Variants in SLCO3A1 observed in about 807,000 individuals in gnomAD.
The protein encoded by SLCO3A1 is PGE1 transporter.
In SLCO3A1, 27 loss-of-function variants were observed where a neutral mutation model predicts 63.1. That is an observed-to-expected ratio of 0.43 (90% confidence interval 0.32 to 0.59). The LOEUF (loss-of-function observed/expected upper bound fraction) is 0.59, where lower values mean the gene tolerates loss of function less well. Among genes scored for constraint, SLCO3A1 ranks in the 20% least tolerant of loss-of-function variants. The pLI, the probability that SLCO3A1 is intolerant of heterozygous loss-of-function variation, is 0.09. For missense variants in SLCO3A1, 773 were observed against 945.8 expected (o/e 0.82, Z 2.40); for synonymous variants, 473 against 409.9 (o/e 1.15, Z -1.86).
chr15:91,985,070 A>T (rs1024647249), intron 2 of SLCO3A1, among the ~76,000 whole-genome samples: 1 of 152,224 alleles, frequency 6.6e-6, no homozygotes, highest in African/African-American at 2.4e-5. Context: ...CACCCAGATC[A>T]AGGGATAGAA....
Position 91,872,383 on chromosome 15 carries a change from A to G in SLCO3A1, c.180+18295A>G, listed in dbSNP as rs28416200. ...CCTTCTCTACTAAAAATACAAAAAA[A>G]TAGCCGGGCATGGTGGCAGTTGCCT... On this transcript the variant is annotated intron_variant, in intron 1 of 9. Transcript: ENST00000318445. The surrounding 1 kb of genome is among the most constrained non-coding windows in gnomAD (Gnocchi z 4.1). Among the ~76,000 whole-genome samples the G allele has an allele frequency of 0.045, 6,780 of 152,020 alleles. 475 individuals carry two copies. Among genetic ancestry groups the G allele is most frequent in the African/African-American group, 0.15 (6,372 of 41,438 alleles).
At chr15:92,114,320 A>G (rs2047765858) in intron 4 of SLCO3A1, among the ~76,000 whole-genome samples, 1 of 152,172 alleles carries the variant, frequency 6.6e-6, no homozygotes, top group African/African-American at 2.4e-5. Flanking sequence ...TCATTCATTC[A>G]TTTTAAAATT....
chr15:92,048,479 C>G (rs1369384937), intron 2 of SLCO3A1, among the ~76,000 whole-genome samples: 1 of 152,138 alleles, frequency 6.6e-6, no homozygotes, highest in Non-Finnish European at 1.5e-5. Context: ...GACATTCAGA[C>G]CAGATCGTTG....
chr15:92,052,794 C>T (rs2046972986), intron 2 of SLCO3A1, among the ~76,000 whole-genome samples: 1 of 151,274 alleles, frequency 6.6e-6, no homozygotes, highest in African/African-American at 2.4e-5. Context: ...GGCATAAGTA[C>T]ATTTTATATT....
intron 2 of SLCO3A1, among the ~76,000 whole-genome samples, chr15:92,059,849 T>C (rs2047065229): frequency 6.6e-6 from 1 of 152,192 alleles, no homozygotes; most frequent in Non-Finnish European, 1.5e-5. Flanking sequence ...AGACACTTTC[T>C]GAGAAATGCG....
intron 3 of SLCO3A1, among the ~76,000 whole-genome samples, chr15:92,102,934 C>T (rs2047624062): frequency 6.6e-6 from 1 of 152,204 alleles, no homozygotes; most frequent in Admixed American, 6.5e-5. Flanking sequence ...TTCTAAGCCT[C>T]AGTTACTCCA....
intron 2 of SLCO3A1, among the ~76,000 whole-genome samples, chr15:91,966,560 C>T (rs1900669094): frequency 6.6e-6 from 1 of 152,148 alleles, no homozygotes; most frequent in Non-Finnish European, 1.5e-5. Flanking sequence ...AGGATATGAT[C>T]CTTTCAGGAT....
At chr15:91,970,953 T>C (rs1163273467) in intron 2 of SLCO3A1, among the ~76,000 whole-genome samples, 2 of 152,128 alleles carry the variant, frequency 1.3e-5, no homozygotes, top group African/African-American at 4.8e-5. Flanking sequence ...TCAGTCTTCA[T>C]TATTTGTGGT....
chr15:92,110,353 T>C (rs1291765714), intron 4 of SLCO3A1, among the ~76,000 whole-genome samples: 3 of 152,224 alleles, frequency 2.0e-5, no homozygotes, highest in African/African-American at 7.2e-5. Context: ...TTGTCCATGC[T>C]GTGATCTTTT....
downstream of SLCO3A1, chr15:92,170,764 T>C (rs754877702): frequency 6.6e-6 from 1 of 152,240 alleles, no homozygotes; most frequent in Non-Finnish European, 1.5e-5. Flanking sequence ...AATTAAATGT[T>C]GGAAACCTTT....
chr15:92,067,174 C>T (rs545063204), intron 2 of SLCO3A1, among the ~76,000 whole-genome samples: 7 of 150,238 alleles, frequency 4.7e-5, no homozygotes, highest in Middle Eastern at 6.8e-3. Flanking sequence ...ACACCCCCTG[C>T]TCCCTCAGGC....
intron 2 of SLCO3A1, among the ~76,000 whole-genome samples, chr15:92,042,271 A>G (rs569003780): frequency 4.6e-5 from 7 of 152,178 alleles, no homozygotes; most frequent in Non-Finnish European, 1.0e-4. Flanking sequence ...AGGCTGTGCA[A>G]ACCTACTCAG....
chr15:92,133,057 G>C (rs1472587590), intron 7 of SLCO3A1, among the ~76,000 whole-genome samples: 1 of 145,876 alleles, frequency 6.9e-6, no homozygotes, highest in East Asian at 1.9e-4. Context: ...GACATTTTGG[G>C]CCAGATAATG....
chr15:91,901,101 T>C (rs756393941), intron 1 of SLCO3A1, among the ~76,000 whole-genome samples: 13 of 152,196 alleles, frequency 8.5e-5, no homozygotes, highest in Non-Finnish European at 1.8e-4. Context: ...TTGTACTCTT[T>C]TGTGTTAATA....
rs1345098769 is a variant in SLCO3A1, at chr15:92,163,572, A to G, written c.*437A>G. On this transcript the variant is annotated 3_prime_UTR_variant, in exon 10 of 10. Transcript: ENST00000318445. ...AAAAAAAATTAAAAAAAAAAAACCC[A>G]CAAGTTGAAAACATTGCCAGATTAA... 1 of 983,586 alleles carries G rather than the reference A, an allele frequency of 1.0e-6. No homozygotes were observed. The highest frequency in any genetic ancestry group is 1.2e-6 in the Non-Finnish European group (1 of 829,262). The allele number at this position is 983,586 out of a possible 1,614,324, so 60.9% of individuals were successfully genotyped here. A position where few individuals can be genotyped will look rare whatever the true frequency, so the allele number is the denominator to read the frequency against.
chr15:92,091,383 A>T (rs1282058888), intron 2 of SLCO3A1, among the ~76,000 whole-genome samples: 1 of 152,172 alleles, frequency 6.6e-6, no homozygotes, highest in Non-Finnish European at 1.5e-5. Context: ...TTCCACAGGG[A>T]TCCTGCATCT....
At chr15:92,100,902 CATGT>C (rs1445632584) in intron 3 of SLCO3A1, among the ~76,000 whole-genome samples, 1 of 152,198 alleles carries the variant, frequency 6.6e-6, no homozygotes, top group African/African-American at 2.4e-5. Context: ...GGGGTGGAGT[CATGT>C]ACCAGCTCAT....
Position 92,164,217 on chromosome 15 carries a change from G to A in SLCO3A1, c.*1082G>A. The A allele has an allele frequency of 1.0e-6, 1 of 984,974 alleles. No individual in the cohort carries two copies. The highest frequency in any genetic ancestry group is 1.2e-6 in the Non-Finnish European group (1 of 829,710). The allele number at this position is 984,974 out of a possible 1,614,324, so 61.0% of individuals were successfully genotyped here. A position where few individuals can be genotyped will look rare whatever the true frequency, so the allele number is the denominator to read the frequency against. ...TCCTTTTTTAATGCACCAAAAATATGTGATACAAGGGATGCAATTAACCTA... is the reference window on the plus strand; with the variant it reads ...TCCTTTTTTAATGCACCAAAAATATATGATACAAGGGATGCAATTAACCTA... On this transcript the variant is annotated 3_prime_UTR_variant, in exon 10 of 10. Transcript: ENST00000318445.
Position 91,886,193 on chromosome 15 carries a change from C to G in SLCO3A1, c.181-29800C>G, listed in dbSNP as rs1261644072. 6.6e-6 allele frequency among the ~76,000 whole-genome samples: 1 copy of G among 152,152 alleles called. No homozygotes were observed. Among genetic ancestry groups the G allele is most frequent in the Non-Finnish European group, 1.5e-5 (1 of 68,012 alleles). On this transcript the variant is annotated intron_variant, in intron 1 of 9. Coordinates refer to ENST00000318445, the MANE Select transcript of SLCO3A1 (RefSeq NM_013272.4). This position sits in a 1 kb window ranked among gnomAD's most constrained non-coding sequence, Gnocchi z 4.9. ...TGTCCTGCGCTTCCCCTTGGTCTCC[C>G]TTAGTTGTGCAATGGAAAGTAGTAG...
Sources: allele counts gnomAD v4.1 joint callset (sites outside exome capture counted in the v4.1 genomes callset), GRCh38; gene constraint gnomAD v4.1.1; non-coding constraint Gnocchi (gnomAD v3.1); transcripts MANE v1.5; gene names NCBI Gene and HGNC (gene_info 2026-07-23, HGNC 2026-07-21).